HPSE2: variants seen among roughly 807,000 people sequenced by gnomAD.
The protein encoded by HPSE2 is heparanase 2 (inactive), also known as inactive heparanase-2.
In HPSE2, 38 loss-of-function variants were observed where a neutral mutation model predicts 60.5. The ratio of observed to expected loss-of-function variants is 0.63; its 90% CI spans 0.48 to 0.82. The LOEUF (loss-of-function observed/expected upper bound fraction) is 0.82, where lower values mean the gene tolerates loss of function less well. Among genes scored for constraint, HPSE2 ranks in the 40% least tolerant of loss-of-function variants. HPSE2 has a pLI of 0.00. For synonymous variants in HPSE2, 295 were observed against 293.2 expected (o/e 1.01, Z -0.06); for missense variants, 713 against 740.4 (o/e 0.96, Z 0.43).
At chr10:99,308,440 G>T in the HPSE2 span, among the ~76,000 whole-genome samples, 4 of 144,886 alleles carry the variant, frequency 2.8e-5, no homozygotes, top group African/African-American at 5.1e-5. Context: ...TAAGCAAACT[G>T]TGGCATATCC....
At chr10:99,010,445 T>C (rs901327759) in intron 3 of HPSE2, among the ~76,000 whole-genome samples, 3 of 152,196 alleles carry the variant, frequency 2.0e-5, no homozygotes, top group Non-Finnish European at 2.9e-5. Context: ...ACTTGACTCC[T>C]ATTGATTCCA....
chr10:98,556,993 C>T lies in HPSE2; in HGVS notation c.1320+57911G>A, dbSNP rs151046774. ...TGGGCGGCTGAGGGGGCGTGGATCT[C>T]GAGGTCAGGAGATTGAGACCATCCT... On this transcript the variant is annotated intron_variant, in intron 9 of 11. Coordinates refer to ENST00000370552, the MANE Select transcript of HPSE2 (RefSeq NM_021828.5). 1.4e-3 allele frequency among the ~76,000 whole-genome samples: 206 copies of T among 150,842 alleles called. 1 individual carries two copies. Among genetic ancestry groups the T allele is most frequent in the African/African-American group, 4.8e-3 (197 of 40,958 alleles).
rs1212510582 is a variant in HPSE2, at chr10:99,086,408, A to G, written c.610+57830T>C. Among the ~76,000 whole-genome samples, 5 of 120,742 alleles carry G rather than the reference A, an allele frequency of 4.1e-5. No homozygotes were observed. The East Asian group carries it at 1.3e-3, about 31-fold the overall frequency. 79.2% of individuals were successfully genotyped at this position (120,742 alleles called of 152,430 possible). On this transcript the variant is annotated intron_variant, in intron 3 of 11. Coordinates refer to ENST00000370552, the MANE Select transcript of HPSE2 (RefSeq NM_021828.5). ...CGCTCTGTCGCCCAGGCTGGAGTGC[A>G]GTGGCGGGATCTCGGCTCACTGCAA...
the HPSE2 span, among the ~76,000 whole-genome samples, chr10:99,312,657 G>A: frequency 6.6e-6 from 1 of 152,220 alleles, no homozygotes; most frequent in African/African-American, 2.4e-5. Flanking sequence ...GGAAATTAAT[G>A]TTGTTTTCAC....
At chr10:99,074,564 C>T (rs1329033618) in intron 3 of HPSE2, among the ~76,000 whole-genome samples, 1 of 152,068 alleles carries the variant, frequency 6.6e-6, no homozygotes, top group Non-Finnish European at 1.5e-5. Context: ...GTAATGCTAG[C>T]CTCATAAATG....
intron 9 of HPSE2, among the ~76,000 whole-genome samples, chr10:98,537,817 G>A (rs1943334797): frequency 6.6e-6 from 1 of 152,202 alleles, no homozygotes; most frequent in Admixed American, 6.5e-5. Flanking sequence ...GTCATCCGGA[G>A]GCCTAAACCC....
chr10:99,232,920 G>C (rs1391499504), intron 1 of HPSE2, among the ~76,000 whole-genome samples: 4 of 152,266 alleles, frequency 2.6e-5, no homozygotes, highest in African/African-American at 9.6e-5. Context: ...CCTACCTCTG[G>C]CTTCCGACCG....
chr10:99,194,680 G>C (rs539695114), intron 2 of HPSE2, among the ~76,000 whole-genome samples: 1 of 151,904 alleles, frequency 6.6e-6, no homozygotes, highest in South Asian at 2.1e-4. Flanking sequence ...AACTCACCAA[G>C]ATTGAACCAT....
chr10:98,704,253 T>C (rs1948486352), intron 5 of HPSE2, among the ~76,000 whole-genome samples: 1 of 151,584 alleles, frequency 6.6e-6, no homozygotes, highest in Non-Finnish European at 1.5e-5. Flanking sequence ...CTCAAGAAAA[T>C]CAGAGGACAC....
At chr10:98,501,652 C>A (rs1015522418) in intron 9 of HPSE2, among the ~76,000 whole-genome samples, 1 of 152,102 alleles carries the variant, frequency 6.6e-6, no homozygotes, top group Non-Finnish European at 1.5e-5. Flanking sequence ...GACAAAGATG[C>A]CCACTCTCCT....
At chr10:98,877,427 A>T (rs754046596) in intron 3 of HPSE2, among the ~76,000 whole-genome samples, 23 of 152,002 alleles carry the variant, frequency 1.5e-4, no homozygotes, top group Non-Finnish European at 2.5e-4. Context: ...CTGTGTTCAA[A>T]TCCTAGCTCC....
chr10:99,308,840 T>C, the HPSE2 span, among the ~76,000 whole-genome samples: 15 of 152,316 alleles, frequency 9.8e-5, no homozygotes, highest in African/African-American at 3.6e-4. Context: ...CAAAGATTCA[T>C]TTGATGAATC....
chr10:98,498,089 G>A (rs1941909712), intron 9 of HPSE2, among the ~76,000 whole-genome samples: 1 of 152,124 alleles, frequency 6.6e-6, no homozygotes, highest in African/African-American at 2.4e-5. Context: ...GATCATCATG[G>A]TGGACGGGAG....
At chr10:98,881,966 T>C (rs1953036723) in intron 3 of HPSE2, among the ~76,000 whole-genome samples, 1 of 152,084 alleles carries the variant, frequency 6.6e-6, no homozygotes, top group African/African-American at 2.4e-5. Flanking sequence ...GGGCTCATGG[T>C]TGGCAGAGTT....
chr10:98,937,999 C>A (rs1162479653), intron 3 of HPSE2, among the ~76,000 whole-genome samples: 1 of 143,556 alleles, frequency 7.0e-6, no homozygotes, highest in Non-Finnish European at 1.5e-5. Context: ...GGACCTCTAG[C>A]AAACTCCAAC....
chr10:99,040,557 T>C (rs1031770736), intron 3 of HPSE2, among the ~76,000 whole-genome samples: 1 of 152,182 alleles, frequency 6.6e-6, no homozygotes, highest in Non-Finnish European at 1.5e-5. Context: ...ACTTTACATA[T>C]CATTTTGTAA....
intron 3 of HPSE2, among the ~76,000 whole-genome samples, chr10:98,747,461 C>G (rs1232085838): frequency 6.6e-6 from 1 of 152,044 alleles, no homozygotes; most frequent in Non-Finnish European, 1.5e-5. Context: ...GCATATCAAA[C>G]CTTTGATTTC....
intron 6 of HPSE2, among the ~76,000 whole-genome samples, chr10:98,651,566 C>A (rs971101281): frequency 6.6e-6 from 1 of 151,984 alleles, no homozygotes; most frequent in Non-Finnish European, 1.5e-5. Flanking sequence ...CCTAAAATAT[C>A]GTATTTTTTT....
chr10:98,466,368 C>T (rs2133591867), intron 11 of HPSE2, among the ~76,000 whole-genome samples: 1 of 152,236 alleles, frequency 6.6e-6, no homozygotes, highest in Non-Finnish European at 1.5e-5. Flanking sequence ...AATCCCAGCA[C>T]TTTGGGAGGC....
Sources: allele counts gnomAD v4.1 joint callset (sites outside exome capture counted in the v4.1 genomes callset), GRCh38; gene constraint gnomAD v4.1.1; transcripts MANE v1.5; gene names NCBI Gene and HGNC (gene_info 2026-07-23, HGNC 2026-07-21).